KHDC1: variants seen among roughly 807,000 people sequenced by gnomAD.
KHDC1 encodes KH domain containing 1, also known as KH homology domain-containing protein 1.
Under a neutral mutation model 24.7 loss-of-function variants are expected in KHDC1, and 21 were observed. The observed-to-expected ratio is 0.85, with a 90% CI of 0.60 to 1.23. The LOEUF (loss-of-function observed/expected upper bound fraction) is 1.23, where lower values mean the gene tolerates loss of function less well. Ranked by LOEUF, KHDC1 falls within the 50% of genes most tolerant of loss-of-function variation. The probability of loss-of-function intolerance (pLI) is 0.00; values close to 1 mark genes in which losing one functional copy is unlikely to be tolerated. For synonymous variants in KHDC1, 98 were observed against 111.7 expected (o/e 0.88, Z 0.77); for missense variants, 274 against 298.5 (o/e 0.92, Z 0.61).
At chr6:73,265,528 CAAAAAAAAAA>C (rs70994179) in intron 2 of KHDC1, among the ~76,000 whole-genome samples, 5 of 74,500 alleles carry the variant, frequency 6.7e-5, no homozygotes, top group South Asian at 5.5e-4. Flanking sequence ...GACTCCGTCT[CAAAAAAAAAA>C]AAAAAAAAAA....
intron 2 of KHDC1, chr6:73,275,489 A>G (rs1406118831): frequency 6.0e-6 from 1 of 167,164 alleles, no homozygotes; most frequent in Non-Finnish European, 1.5e-5. Context: ...CCTTTTGCAT[A>G]CTTGCCTCAC....
At chr6:73,255,474 G>C (rs1486047467) in intron 2 of KHDC1, among the ~76,000 whole-genome samples, 1 of 146,824 alleles carries the variant, frequency 6.8e-6, no homozygotes, top group Admixed American at 6.8e-5. Context: ...CCGCCTTCTT[G>C]GCCTCCCAAA....
intron 2 of KHDC1, among the ~76,000 whole-genome samples, chr6:73,264,927 T>C (rs1395680575): frequency 6.6e-6 from 1 of 152,164 alleles, no homozygotes; most frequent in Non-Finnish European, 1.5e-5. Context: ...CGGAGATGAT[T>C]ACCTGTAGTT....
intron 1 of KHDC1, among the ~76,000 whole-genome samples, chr6:73,304,617 C>A (rs530681186): frequency 1.3e-5 from 2 of 152,218 alleles, no homozygotes; most frequent in South Asian, 4.1e-4. Flanking sequence ...GTTCACATAC[C>A]CTTTTATATC....
At chr6:73,252,653 A>AT (rs1766801783) in intron 2 of KHDC1, among the ~76,000 whole-genome samples, 1 of 151,564 alleles carries the variant, frequency 6.6e-6, no homozygotes, top group Non-Finnish European at 1.5e-5. Flanking sequence ...TCTTCAAAAG[A>AT]TAAAAAAAAA....
chr6:73,283,346 A>G (rs1767450879), intron 2 of KHDC1, among the ~76,000 whole-genome samples: 1 of 148,716 alleles, frequency 6.7e-6, no homozygotes, highest in Admixed American at 6.7e-5. Context: ...TTTTAAAAAG[A>G]AGCAGCTTGT....
At chr6:73,291,812 A>G (rs1582583227) in intron 2 of KHDC1, 2 of 630,646 alleles carry the variant, frequency 3.2e-6, no homozygotes, top group Non-Finnish European at 5.6e-6. Flanking sequence ...TACCTATTGG[A>G]TACAATGTTT....
intron 1 of KHDC1, among the ~76,000 whole-genome samples, chr6:73,297,023 C>T (rs1267817644): frequency 6.6e-6 from 1 of 152,120 alleles, no homozygotes; most frequent in East Asian, 1.9e-4. Flanking sequence ...GCCTCAGCCT[C>T]CCAAGTAGCT....
intron 2 of KHDC1, chr6:73,276,626 C>T (rs924156996): frequency 2.0e-5 from 3 of 152,096 alleles, no homozygotes; most frequent in Admixed American, 6.6e-5. Flanking sequence ...GTGGTTGCAC[C>T]ACCTCACTCC....
chr6:73,288,059 G>A (rs550708303), intron 2 of KHDC1, among the ~76,000 whole-genome samples: 12 of 152,242 alleles, frequency 7.9e-5, no homozygotes, highest in East Asian at 5.8e-4. Context: ...AGAAGCTAGC[G>A]GCACCCTTAA....
intron 2 of KHDC1, among the ~76,000 whole-genome samples, chr6:73,261,222 T>C (rs1766973856): frequency 6.6e-6 from 1 of 151,092 alleles, no homozygotes; most frequent in Non-Finnish European, 1.5e-5. Flanking sequence ...GTGAGCAGAT[T>C]ACCTGAGGTC....
intron 2 of KHDC1, among the ~76,000 whole-genome samples, chr6:73,256,196 A>C (rs1766877640): frequency 6.6e-6 from 1 of 152,194 alleles, no homozygotes. Flanking sequence ...AGCCATTAAA[A>C]AGACTTTCAT....
intron 2 of KHDC1, among the ~76,000 whole-genome samples, chr6:73,262,356 T>C (rs1230000604): frequency 6.6e-6 from 1 of 152,258 alleles, no homozygotes; most frequent in African/African-American, 2.4e-5. Context: ...CTTTCCCTTG[T>C]TTCCTGTTAC....
exon 1 of KHDC1, chr6:73,309,985 C>T (rs1351723276): frequency 3.0e-5 from 13 of 426,244 alleles, no homozygotes; most frequent in Non-Finnish European, 4.6e-5. Flanking sequence ...GGCTCGGTCA[C>T]CAAACAACGG....
intron 2 of KHDC1, among the ~76,000 whole-genome samples, chr6:73,264,382 C>T (rs1204398333): frequency 6.6e-6 from 1 of 152,186 alleles, no homozygotes; most frequent in Non-Finnish European, 1.5e-5. Context: ...TCTTTTCATC[C>T]TAAAGCTTCT....
chr6:73,266,678 G>C (rs1244608156), intron 2 of KHDC1, among the ~76,000 whole-genome samples: 1 of 152,194 alleles, frequency 6.6e-6, no homozygotes, highest in Non-Finnish European at 1.5e-5. Flanking sequence ...CAGGGCAAAA[G>C]CTTCATGATG....
chr6:73,296,017 C>A (rs1373436436), intron 1 of KHDC1, among the ~76,000 whole-genome samples: 4 of 151,692 alleles, frequency 2.6e-5, no homozygotes, highest in Non-Finnish European at 2.9e-5. Flanking sequence ...TGGCAGGCAC[C>A]TGTAATCCCA....
intron 2 of KHDC1, among the ~76,000 whole-genome samples, chr6:73,256,867 A>G (rs1766888169): frequency 6.6e-6 from 1 of 152,344 alleles, no homozygotes; most frequent in Admixed American, 6.5e-5. Context: ...CTACTAACGC[A>G]TGGGCTTAGT....
chr6:73,306,186 C>T (rs1767958864), intron 1 of KHDC1, among the ~76,000 whole-genome samples: 1 of 152,042 alleles, frequency 6.6e-6, no homozygotes, highest in Non-Finnish European at 1.5e-5. Context: ...CCTCCTGCTC[C>T]TACTTATACT....
Sources: gnomAD v4.1 joint callset for allele counts (sites outside exome capture counted in the v4.1 genomes callset) on GRCh38, gnomAD v4.1.1 for gene constraint, MANE v1.5 for transcripts, NCBI Gene and HGNC (gene_info 2026-07-23, HGNC 2026-07-21) for gene names.